Variants in FSTL4 observed in about 807,000 individuals in gnomAD.
FSTL4 encodes follistatin like 4.
A neutral mutation model predicts 78.2 loss-of-function variants in FSTL4; 28 were observed. The ratio of observed to expected loss-of-function variants is 0.36; its 90% CI spans 0.27 to 0.49. The LOEUF (loss-of-function observed/expected upper bound fraction) is 0.49, where lower values mean the gene tolerates loss of function less well. Among genes scored for constraint, FSTL4 ranks in the 20% least tolerant of loss-of-function variants. FSTL4 has a pLI of 0.98. For missense variants in FSTL4, 922 were observed against 1,084.9 expected, an observed-to-expected ratio of 0.85 and a Z score of 2.11; for synonymous variants, 422 against 440.5, an observed-to-expected ratio of 0.96 and a Z score of 0.53.
At chr5:133,404,182 C>T (rs541565177) in intron 3 of FSTL4, among the ~76,000 whole-genome samples, 2 of 152,332 alleles carry the variant, frequency 1.3e-5, no homozygotes, top group East Asian at 1.9e-4. Flanking sequence ...GAGGATACCC[C>T]GGGCGGGGTA....
the FSTL4 span, among the ~76,000 whole-genome samples, chr5:133,632,901 C>A: frequency 6.6e-6 from 1 of 152,028 alleles, no homozygotes; most frequent in East Asian, 1.9e-4. Context: ...GTTGCCCAGG[C>A]TGGGCTTGAA....
At chr5:133,551,015 G>A (rs1350666573) in intron 3 of FSTL4, among the ~76,000 whole-genome samples, 2 of 152,168 alleles carry the variant, frequency 1.3e-5, no homozygotes, top group East Asian at 3.9e-4. Flanking sequence ...CCTTTAGGGA[G>A]GGAGGTTAGA....
chr5:133,790,804 A>T, the FSTL4 span, among the ~76,000 whole-genome samples: 1 of 152,204 alleles, frequency 6.6e-6, no homozygotes, highest in Non-Finnish European at 1.5e-5. Context: ...TTCTGTGTCC[A>T]GAACAAAACC....
chr5:133,263,210 C>G (rs1752571654), intron 6 of FSTL4, among the ~76,000 whole-genome samples: 1 of 151,980 alleles, frequency 6.6e-6, no homozygotes, highest in African/African-American at 2.4e-5. Context: ...CTGTCTTTAA[C>G]CATGGAAGGT....
At chr5:133,580,620 C>T (rs781579638) in intron 2 of FSTL4, among the ~76,000 whole-genome samples, 13 of 152,198 alleles carry the variant, frequency 8.5e-5, no homozygotes, top group East Asian at 1.9e-4. Flanking sequence ...TGACATCAGG[C>T]GGTCAGGCCG....
chr5:133,597,125 T>C (rs529609254), intron 2 of FSTL4, among the ~76,000 whole-genome samples: 1 of 151,956 alleles, frequency 6.6e-6, no homozygotes, highest in East Asian at 1.9e-4. Context: ...CTAGTTCCAG[T>C]ATGCTCCACC....
At chr5:133,756,319 G>T in the FSTL4 span, among the ~76,000 whole-genome samples, 2 of 151,812 alleles carry the variant, frequency 1.3e-5, no homozygotes, top group African/African-American at 4.8e-5. Context: ...GATGCAGAAG[G>T]GGTCTGCAGG....
At chr5:133,529,075 AGCC>A (rs1759197248) in intron 3 of FSTL4, among the ~76,000 whole-genome samples, 1 of 152,198 alleles carries the variant, frequency 6.6e-6, no homozygotes, top group Non-Finnish European at 1.5e-5. Context: ...AGCCATTGTC[AGCC>A]TGGATCCACG....
intron 3 of FSTL4, among the ~76,000 whole-genome samples, chr5:133,540,140 C>T (rs926284323): frequency 4.6e-5 from 7 of 152,090 alleles, no homozygotes; most frequent in Non-Finnish European, 7.4e-5. Context: ...CAACCCTTCC[C>T]TGGGTCTCCA....
the FSTL4 span, among the ~76,000 whole-genome samples, chr5:133,707,453 C>A: frequency 2.6e-5 from 4 of 152,148 alleles, no homozygotes; most frequent in Admixed American, 1.3e-4. Flanking sequence ...ACAATAAAAC[C>A]AAATAGCGCC....
At chr5:133,824,447 C>T in the FSTL4 span, among the ~76,000 whole-genome samples, 1 of 152,234 alleles carries the variant, frequency 6.6e-6, no homozygotes, top group African/African-American at 2.4e-5. Context: ...CCAGCCATCT[C>T]AGAAGCAGAC....
chr5:133,554,340 C>T lies in FSTL4; in HGVS notation c.160+12846G>A, dbSNP rs116121349. Reference sequence around the variant, plus strand: ...AAGTCATCTACATGGGCCTCTGCTGCGGGTAGCATGTTTCTCGCTATATTT... The same window carrying T: ...AAGTCATCTACATGGGCCTCTGCTGTGGGTAGCATGTTTCTCGCTATATTT... On this transcript the variant is annotated intron_variant, in intron 3 of 15. Coordinates refer to ENST00000265342, the MANE Select transcript of FSTL4 (RefSeq NM_015082.2). 8.7e-3 allele frequency among the ~76,000 whole-genome samples: 1,318 copies of T among 152,310 alleles called. 7 individuals carry two copies. The highest frequency in any genetic ancestry group is 0.034 in the Middle Eastern group (10 of 294).
At chr5:133,758,507 A>G in the FSTL4 span, among the ~76,000 whole-genome samples, 1 of 152,212 alleles carries the variant, frequency 6.6e-6, no homozygotes, top group Non-Finnish European at 1.5e-5. Context: ...CTCCCAAGTA[A>G]AGGAAAAGAT....
the FSTL4 span, among the ~76,000 whole-genome samples, chr5:133,665,105 G>A: frequency 2.0e-5 from 3 of 152,186 alleles, no homozygotes; most frequent in Non-Finnish European, 4.4e-5. Flanking sequence ...CTTCTCTGAA[G>A]CATATGCCTT....
At chr5:133,833,582 TG>T in the FSTL4 span, among the ~76,000 whole-genome samples, 2 of 152,200 alleles carry the variant, frequency 1.3e-5, no homozygotes, top group Admixed American at 1.3e-4. Context: ...GTCTCATCAG[TG>T]ACACTGACCG....
At chr5:133,349,293 C>CTGTGTGTG (rs1297491221) in intron 4 of FSTL4, among the ~76,000 whole-genome samples, 1,283 of 99,134 alleles carry the variant, frequency 0.013, 21 homozygotes, top group African/African-American at 0.043. Context: ...AAGCCTCTCT[C>CTGTGTGTG]TCTGTGTGTG....
At chr5:133,719,747 A>G in the FSTL4 span, among the ~76,000 whole-genome samples, 1 of 151,780 alleles carries the variant, frequency 6.6e-6, no homozygotes, top group Non-Finnish European at 1.5e-5. Context: ...AAATATAGGC[A>G]TTAATACTAT....
Position 133,240,218 on chromosome 5 carries a change from T to A in FSTL4, c.895-6681A>T, listed in dbSNP as rs1229385110. Among the ~76,000 whole-genome samples, 5 of 152,162 alleles carry A rather than the reference T, an allele frequency of 3.3e-5. 1 individual carries two copies. The East Asian group carries it at 9.6e-4, about 29-fold the overall frequency. On this transcript the variant is annotated intron_variant, in intron 7 of 15. Coordinates refer to ENST00000265342, the MANE Select transcript of FSTL4 (RefSeq NM_015082.2). ...GAACAAACTCTGGACACGCTGCCTT[T>A]AAGAACTGTGACACTCACTGCGAGG... is the stretch of plus-strand genomic sequence containing the variant.
chr5:133,387,218 G>A (rs534940056), intron 4 of FSTL4, among the ~76,000 whole-genome samples: 52 of 152,282 alleles, frequency 3.4e-4, no homozygotes, highest in African/African-American at 8.4e-4. Flanking sequence ...TCCTAATCAT[G>A]GGAGTGGCCA....
Sources: allele counts gnomAD v4.1 joint callset (sites outside exome capture counted in the v4.1 genomes callset), GRCh38; gene constraint gnomAD v4.1.1; transcripts MANE v1.5; gene names NCBI Gene and HGNC (gene_info 2026-07-23, HGNC 2026-07-21).